The following MAPK10 variants were observed in gnomAD, a reference collection of about 807,000 sequenced individuals.
The protein encoded by MAPK10 is mitogen-activated protein kinase 10.
MAPK10 carries 25 observed loss-of-function variants against 59.3 expected under a neutral mutation model. The observed-to-expected ratio is 0.42, with a 90% CI of 0.31 to 0.59. The LOEUF (loss-of-function observed/expected upper bound fraction) is 0.59, where lower values mean the gene tolerates loss of function less well. MAPK10 is among the 20% of genes least tolerant of loss of function. The pLI is 0.15. For missense variants in MAPK10, 351 were observed against 568.9 expected (o/e 0.62, Z 3.90); for synonymous variants, 190 against 200.5 (o/e 0.95, Z 0.44).
rs2093829521 is a variant in MAPK10 at position 86,258,119 on chromosome 4, G to A, written c.-6-63712C>T. 2.0e-5 allele frequency among the ~76,000 whole-genome samples: 3 copies of A among 152,240 alleles called. No individual in the cohort carries two copies. The South Asian group carries it at 6.2e-4, about 32-fold the overall frequency. ...CTCTGAAAATTGGTCTGCAGTCCTG[G>A]TCATCTCCTTATTCTTTGTCCCACA... On this transcript the variant is annotated intron_variant, in intron 2 of 13. Coordinates refer to ENST00000641462, the MANE Select transcript of MAPK10 (RefSeq NM_138982.4).
intron 1 of MAPK10, among the ~76,000 whole-genome samples, chr4:86,514,571 CT>C (rs1205937660): frequency 6.6e-6 from 1 of 152,028 alleles, no homozygotes; most frequent in Non-Finnish European, 1.5e-5. Context: ...CATAATACAC[CT>C]CTACTCAAGT....
chr4:86,182,170 G>A (rs903940059), intron 3 of MAPK10, among the ~76,000 whole-genome samples: 1 of 151,776 alleles, frequency 6.6e-6, no homozygotes, highest in East Asian at 1.9e-4. Context: ...ATAACAAGAA[G>A]CCTCTTGCCT....
At chr4:86,142,706 CAA>C (rs1408535344) in intron 4 of MAPK10, among the ~76,000 whole-genome samples, 1 of 152,158 alleles carries the variant, frequency 6.6e-6, no homozygotes, top group Non-Finnish European at 1.5e-5. Context: ...GCCCATACAT[CAA>C]AGTCAGATGA....
intron 4 of MAPK10, among the ~76,000 whole-genome samples, chr4:86,153,997 T>C (rs1020705445): frequency 6.6e-6 from 1 of 152,118 alleles, no homozygotes; most frequent in African/African-American, 2.4e-5. Flanking sequence ...TTTCCACTGG[T>C]CAGGGGCTAA....
chr4:86,068,002 C>CCTG (rs1290157453), intron 9 of MAPK10, 47 bp from the exon 10 acceptor site: 1 of 1,339,608 alleles, frequency 7.5e-7, no homozygotes. Flanking sequence ...GACCACTAGC[C>CCTG]TTTCAACAAT....
chr4:86,454,038 A>G (rs184486440), upstream of MAPK10, among the ~76,000 whole-genome samples: 154 of 152,290 alleles, frequency 1.0e-3, 2 homozygotes, highest in African/African-American at 3.3e-3. Context: ...CTCGGCTTTC[A>G]GGAAGCCACA....
chr4:86,534,985 A>T (rs1399540526), intron 1 of MAPK10, among the ~76,000 whole-genome samples: 3 of 152,208 alleles, frequency 2.0e-5, no homozygotes, highest in African/African-American at 7.2e-5. Flanking sequence ...TACCTTCTCC[A>T]GTCATCTTTA....
chr4:86,017,067 A>G lies in MAPK10; in HGVS notation c.*161T>C. 1 of 746,786 alleles carries G rather than the reference A, an allele frequency of 1.3e-6. No individual in the cohort carries two copies. The highest frequency in any genetic ancestry group is 1.9e-5 in the South Asian group (1 of 52,956). 46.3% of individuals were successfully genotyped at this position (746,786 alleles called of 1,614,324 possible). A position where few individuals can be genotyped will look rare whatever the true frequency, so the allele number is the denominator to read the frequency against. On this transcript the variant is annotated 3_prime_UTR_variant, in exon 14 of 14. Transcript: ENST00000641462. The surrounding 1 kb of genome is among the most constrained non-coding windows in gnomAD (Gnocchi z 4.4). ...CTGCAATACAGAACCCTGGGGAAGA[A>G]GCAGGCTGAAAGATTTATTTAATTT...
chr4:86,166,079 G>T (rs1009986318), intron 3 of MAPK10, among the ~76,000 whole-genome samples: 1 of 152,174 alleles, frequency 6.6e-6, no homozygotes, highest in Non-Finnish European at 1.5e-5. Flanking sequence ...TACATACGAA[G>T]GTGGGGAACT....
intron 1 of MAPK10, among the ~76,000 whole-genome samples, chr4:86,483,581 TATA>T (rs1245841952): frequency 1.1e-4 from 16 of 151,740 alleles, no homozygotes; most frequent in African/African-American, 2.2e-4. Context: ...AAATGGAATA[TATA>T]ATATTTATAC....
At chr4:86,049,353 A>C (rs1381120707) in intron 11 of MAPK10, among the ~76,000 whole-genome samples, 10 of 152,098 alleles carry the variant, frequency 6.6e-5, no homozygotes, top group African/African-American at 2.4e-4. Context: ...CCTACTTTTT[A>C]ATGTATTATA....
chr4:86,335,127 A>T (rs929823808), intron 2 of MAPK10: 3 of 152,144 alleles, frequency 2.0e-5, no homozygotes, highest in Non-Finnish European at 4.4e-5. Flanking sequence ...CCACACACCA[A>T]CCCTGCGCCT....
intron 1 of MAPK10, among the ~76,000 whole-genome samples, chr4:86,379,820 G>A (rs945348203): frequency 3.3e-5 from 5 of 152,182 alleles, no homozygotes; most frequent in African/African-American, 1.2e-4. Flanking sequence ...TGAAGGCTGT[G>A]AGACCCCTGA....
intron 1 of MAPK10, among the ~76,000 whole-genome samples, chr4:86,366,629 C>T (rs1016329552): frequency 6.6e-6 from 1 of 152,048 alleles, no homozygotes; most frequent in Non-Finnish European, 1.5e-5. Context: ...ATTTACATAG[C>T]AATCAACAGA....
In MAPK10 at chr4:86,567,474, C is replaced by T. The variant is rs144850558; in HGVS notation, c.-263+26436G>A. ...ACCTCAGGTGATCCACCCGCCTCGG[C>T]CTCCCAAAGTGCTGGGATTACAGGC... On this transcript the variant is annotated intron_variant, in intron 1 of 4. Transcript: ENST00000502302. Among the ~76,000 whole-genome samples, 1,452 of 152,308 alleles carry T rather than the reference C, an allele frequency of 9.5e-3. 16 individuals carry two copies. Among genetic ancestry groups the T allele is most frequent in the African/African-American group, 0.033 (1,369 of 41,570 alleles).
intron 11 of MAPK10, among the ~76,000 whole-genome samples, chr4:86,048,838 C>T (rs766043984): frequency 6.6e-6 from 1 of 151,990 alleles, no homozygotes; most frequent in Non-Finnish European, 1.5e-5. Context: ...TCCAAAGTGT[C>T]TATTAATTTT....
intron 2 of MAPK10, among the ~76,000 whole-genome samples, chr4:86,337,449 A>G (rs1022442386): frequency 9.2e-5 from 14 of 152,210 alleles, no homozygotes; most frequent in South Asian, 2.1e-4. Context: ...AGAAGAAAGT[A>G]TATAGTAAGT....
At chr4:86,373,983 C>A (rs886600514) in intron 1 of MAPK10, among the ~76,000 whole-genome samples, 1 of 152,086 alleles carries the variant, frequency 6.6e-6, no homozygotes, top group African/African-American at 2.4e-5. Flanking sequence ...CTGTTCACAA[C>A]AGCAAAGACT....
intron 2 of MAPK10, among the ~76,000 whole-genome samples, chr4:86,215,041 G>A (rs2087053250): frequency 1.3e-5 from 2 of 152,136 alleles, no homozygotes; most frequent in African/African-American, 4.8e-5. Flanking sequence ...TCAAAACTGT[G>A]TAGTACTAGC....
Sources: gnomAD v4.1 joint callset for allele counts (sites outside exome capture counted in the v4.1 genomes callset) on GRCh38, gnomAD v4.1.1 for gene constraint, Gnocchi (gnomAD v3.1) non-coding constraint, MANE v1.5 for transcripts, NCBI Gene and HGNC (gene_info 2026-07-23, HGNC 2026-07-21) for gene names.